The following MARCHF1 variants were observed in gnomAD, a reference collection of about 807,000 sequenced individuals.
The protein encoded by MARCHF1 is E3 ubiquitin-protein ligase MARCHF1.
Under a neutral mutation model 54.2 loss-of-function variants are expected in MARCHF1, and 40 were observed. That is an observed-to-expected ratio of 0.74 (90% CI 0.57 to 0.96). The LOEUF (loss-of-function observed/expected upper bound fraction) is 0.96, where lower values mean the gene tolerates loss of function less well. Among genes scored for constraint, MARCHF1 ranks in the 40% least tolerant of loss-of-function variants. MARCHF1 has a pLI of 0.00. For missense variants in MARCHF1, 586 were observed against 656.5 expected (o/e 0.89, Z 1.17); for synonymous variants, 236 against 236.3 (o/e 1.00, Z 0.01).
Position 163,747,115 on chromosome 4 carries a change from C to T in MARCHF1, c.112-46252G>A, listed in dbSNP as rs145587278. 3.2e-4 allele frequency among the ~76,000 whole-genome samples: 49 copies of T among 152,286 alleles called. No individual in the cohort carries two copies. The East Asian group carries it at 8.9e-3, about 28-fold the overall frequency. ...CTGCAACGTTAAGGGGCTGCACTGT[C>T]AGTGTCATGACAAAAAGGAAATGTT... On this transcript the variant is annotated intron_variant, in intron 4 of 9. Coordinates refer to ENST00000514618, the MANE Select transcript of MARCHF1 (RefSeq NM_001394959.1).
rs1191038225 is a variant in MARCHF1 at position 164,273,054 on chromosome 4, AT to A, written c.-323+110815del. On this transcript the variant is annotated intron_variant, in intron 1 of 9. Coordinates refer to ENST00000514618, the MANE Select transcript of MARCHF1 (RefSeq NM_001394959.1). ...TATTAGCTCCTATGTTAGTAAGATA[AT>A]TTTTTTTTTTTGTATTTTAAGTTTT... Among the ~76,000 whole-genome samples, 733 of 146,170 alleles carry A rather than the reference AT, an allele frequency of 5.0e-3. 2 individuals are homozygous for A. Among genetic ancestry groups the A allele is most frequent in the Middle Eastern group, 7.1e-3 (2 of 282 alleles).
chr4:163,982,529 G>A (rs546977035), intron 3 of MARCHF1, among the ~76,000 whole-genome samples: 1 of 152,290 alleles, frequency 6.6e-6, no homozygotes, highest in East Asian at 1.9e-4. Context: ...ATCATTCTGA[G>A]TCCTTAATGT....
intron 1 of MARCHF1, among the ~76,000 whole-genome samples, chr4:164,346,151 T>G (rs953934771): frequency 1.3e-5 from 2 of 152,178 alleles, no homozygotes; most frequent in African/African-American, 4.8e-5. Context: ...GAGACTTTGT[T>G]CTCATTAGCT....
intron 9 of MARCHF1, among the ~76,000 whole-genome samples, chr4:163,535,397 A>C (rs925123057): frequency 2.0e-5 from 3 of 151,988 alleles, no homozygotes; most frequent in Non-Finnish European, 4.4e-5. Context: ...CCCTTTTGCT[A>C]TTTCATGCCA....
At chr4:163,553,916 G>A (rs1739198567) in intron 8 of MARCHF1, among the ~76,000 whole-genome samples, 1 of 152,158 alleles carries the variant, frequency 6.6e-6, no homozygotes, top group Non-Finnish European at 1.5e-5. Context: ...AATCCAAGAA[G>A]CTACCCAAGA....
intron 1 of MARCHF1, chr4:164,190,008 G>A: frequency 1.4e-6 from 2 of 1,447,680 alleles, no homozygotes; most frequent in Admixed American, 3.3e-5. Flanking sequence ...TAATGATGCT[G>A]AGAAGTTTGC....
Position 163,533,794 on chromosome 4 carries a change from G to T in MARCHF1, c.1340-4748C>A, listed in dbSNP as rs543939090. Reference sequence around the variant, plus strand: ...ATTTCTTCGAGTAAGAGATGGGTTTGTGAGCATTTAGGTATTTGGAAATTG... The same window carrying T: ...ATTTCTTCGAGTAAGAGATGGGTTTTTGAGCATTTAGGTATTTGGAAATTG... On this transcript the variant is annotated intron_variant, in intron 9 of 9. Coordinates refer to ENST00000514618, the MANE Select transcript of MARCHF1 (RefSeq NM_001394959.1). Among the ~76,000 whole-genome samples the T allele has an allele frequency of 2.0e-5, 3 of 151,388 alleles. No individual in the cohort carries two copies. In the East Asian group the frequency reaches 5.8e-4, roughly 29 times the overall value.
At chr4:163,778,512 G>C (rs574978120) in intron 4 of MARCHF1, among the ~76,000 whole-genome samples, 2 of 152,070 alleles carry the variant, frequency 1.3e-5, no homozygotes, top group African/African-American at 4.8e-5. Context: ...ATTTGCTCTG[G>C]TAAGTGTCTG....
At position 163,816,422 on chromosome 4, in the gene MARCHF1, C is replaced by A. The variant is rs1560768896; in HGVS notation, c.111+37599G>T. Among the ~76,000 whole-genome samples, 69 of 151,562 alleles carry A rather than the reference C, an allele frequency of 4.6e-4. 1 individual carries two copies. The highest frequency in any genetic ancestry group is 1.6e-3 in the African/African-American group (65 of 41,338). Reference sequence around the variant, plus strand: ...ATAGTATTCAAGTTCAACTAAAACTCTTTACCTTCATACATACAAGGGGAA... The same window carrying A: ...ATAGTATTCAAGTTCAACTAAAACTATTTACCTTCATACATACAAGGGGAA... On this transcript the variant is annotated intron_variant, in intron 4 of 9. Coordinates refer to ENST00000514618, the MANE Select transcript of MARCHF1 (RefSeq NM_001394959.1).
intron 3 of MARCHF1, among the ~76,000 whole-genome samples, chr4:163,913,983 G>A (rs1353726695): frequency 2.3e-5 from 2 of 85,612 alleles, no homozygotes; most frequent in Non-Finnish European, 5.0e-5. Flanking sequence ...GACAGCACGG[G>A]GATCTCTATT....
chr4:164,295,968 T>TAC (rs1255794815), intron 1 of MARCHF1, among the ~76,000 whole-genome samples: 1 of 152,104 alleles, frequency 6.6e-6, no homozygotes, highest in Admixed American at 6.5e-5. Context: ...ACAACAATAA[T>TAC]ACACACACAC....
chr4:164,203,104 T>TCAGTGCCTA lies in MARCHF1; in HGVS notation c.-322-91451_-322-91443dup, dbSNP rs200704050. Among the ~76,000 whole-genome samples, 898 of 152,270 alleles carry TCAGTGCCTA rather than the reference T, an allele frequency of 5.9e-3. 4 individuals carry two copies. Among genetic ancestry groups the TCAGTGCCTA allele is most frequent in the African/African-American group, 0.02 (845 of 41,546 alleles). On this transcript the variant is annotated intron_variant, in intron 1 of 9. Transcript: ENST00000514618. ...ACAATAGTAATGAAAGCCCTGGATT[T>TCAGTGCCTA]CAGTGCCTAGAATCAGACACCCATT...
intron 4 of MARCHF1, among the ~76,000 whole-genome samples, chr4:163,728,085 A>G (rs1249444198): frequency 1.3e-5 from 2 of 151,928 alleles, no homozygotes; most frequent in Non-Finnish European, 2.9e-5. Flanking sequence ...TTATTTGCCT[A>G]CATTTTCACA....
intron 1 of MARCHF1, among the ~76,000 whole-genome samples, chr4:164,365,160 TATAAAATAA>T (rs1373502699): frequency 6.6e-6 from 1 of 151,988 alleles, no homozygotes; most frequent in Non-Finnish European, 1.5e-5. Flanking sequence ...TTCCTAAATG[TATAAAATAA>T]ATGCACCTTT....
Position 163,527,477 on chromosome 4 carries a change from A to C in MARCHF1, c.*1271T>G, listed in dbSNP as rs1738155394. 1 of 151,308 alleles carries C rather than the reference A, an allele frequency of 6.6e-6. No homozygotes were observed. Among genetic ancestry groups the C allele is most frequent in the Non-Finnish European group, 1.5e-5 (1 of 67,720 alleles). 9.4% of individuals were successfully genotyped at this position (151,308 alleles called of 1,614,324 possible). On this transcript the variant is annotated 3_prime_UTR_variant, in exon 10 of 10. Transcript: ENST00000514618. ...TTTATTCCCCTATTGTAAGTACTTC[A>C]TAGTAACAATTTATTTATTTCACAA...
rs185014226 is a variant in MARCHF1, at chr4:164,171,985, A to T, written c.-322-60323T>A. Among the ~76,000 whole-genome samples the T allele has an allele frequency of 1.7e-4, 26 of 152,318 alleles. 1 individual carries two copies. Among genetic ancestry groups the T allele is most frequent in the Middle Eastern group, 3.4e-3 (1 of 294 alleles). On this transcript the variant is annotated intron_variant, in intron 1 of 9. Transcript: ENST00000514618. ...AGCGCTGTCCTTCTGGCTGGCACCC[A>T]GGTCACTACGTCATAGCCCGTCTCT...
chr4:163,694,247 C>CA (rs1392085976), intron 5 of MARCHF1, among the ~76,000 whole-genome samples: 1 of 152,140 alleles, frequency 6.6e-6, no homozygotes, highest in Non-Finnish European at 1.5e-5. Context: ...ACCAAAATCC[C>CA]TTTGGGTCCC....
chr4:164,086,332 A>T (rs1266483408), intron 2 of MARCHF1, among the ~76,000 whole-genome samples: 1 of 151,896 alleles, frequency 6.6e-6, no homozygotes, highest in African/African-American at 2.4e-5. Flanking sequence ...CATTAGAAAA[A>T]AACTGTGTCT....
At chr4:164,344,896 T>A (rs544138018) in intron 1 of MARCHF1, among the ~76,000 whole-genome samples, 2 of 152,284 alleles carry the variant, frequency 1.3e-5, no homozygotes, top group African/African-American at 4.8e-5. Flanking sequence ...ATCTAAAAAG[T>A]CTTGTTCTTC....
Sources: allele counts gnomAD v4.1 joint callset (sites outside exome capture counted in the v4.1 genomes callset), GRCh38; gene constraint gnomAD v4.1.1; transcripts MANE v1.5; gene names NCBI Gene and HGNC (gene_info 2026-07-23, HGNC 2026-07-21).